The following LRP1B variants were observed in gnomAD, a reference collection of about 807,000 sequenced individuals.
The protein encoded by LRP1B is LDL receptor related protein 1B, also known as low-density lipoprotein receptor-related protein 1B.
LRP1B carries 217 observed loss-of-function variants against 556.6 expected under a neutral mutation model. That is an observed-to-expected ratio of 0.39 (90% confidence interval 0.35 to 0.44). The LOEUF (loss-of-function observed/expected upper bound fraction) is 0.44, where lower values mean the gene tolerates loss of function less well. Among genes scored for constraint, LRP1B ranks in the 20% least tolerant of loss-of-function variants. The pLI, the probability that LRP1B is intolerant of heterozygous loss-of-function variation, is 1.00. For synonymous variants in LRP1B, 2,047 were observed against 1,865.8 expected (o/e 1.10, Z -2.50); for missense variants, 5,053 against 5,620.8 (o/e 0.90, Z 3.23).
intron 18 of LRP1B, among the ~76,000 whole-genome samples, chr2:140,973,052 T>TA (rs1696481170): frequency 5.1e-5 from 7 of 138,578 alleles, no homozygotes; most frequent in Non-Finnish European, 7.7e-5. Flanking sequence ...ATATTTCATT[T>TA]TATATATATA....
chr2:140,702,223 T>TC lies in LRP1B; in HGVS notation c.6219dup (p.Asn2074GlufsTer27). On this transcript the variant is annotated frameshift_variant, in exon 39 of 91. Coordinates refer to ENST00000389484, the MANE Select transcript of LRP1B (RefSeq NM_018557.3). LOFTEE classifies it high-confidence loss of function. Reference sequence around the variant, plus strand: ...CTTCCTGACAGCACCATCTCGCGATTCCCTCCAGTCTCAAGGTCGATTCTC... The same window carrying TC: ...CTTCCTGACAGCACCATCTCGCGATTCCCCTCCAGTCTCAAGGTCGATTCTC... 6.2e-7 allele frequency: 1 copy of TC among 1,613,780 alleles called. No individual in the cohort carries two copies. Among genetic ancestry groups the TC allele is most frequent in the South Asian group, 1.1e-5 (1 of 91,086 alleles).
At chr2:140,479,263 T>C (rs956589305) in intron 59 of LRP1B, among the ~76,000 whole-genome samples, 4 of 152,150 alleles carry the variant, frequency 2.6e-5, no homozygotes, top group Non-Finnish European at 5.9e-5. Flanking sequence ...CTAAACATAA[T>C]GGTAATTTTA....
intron 1 of LRP1B, among the ~76,000 whole-genome samples, chr2:142,066,883 C>T (rs1036631384): frequency 2.0e-5 from 3 of 151,492 alleles, no homozygotes; most frequent in Admixed American, 6.6e-5. Context: ...TAAAACAACA[C>T]AAACTTCTGA....
At chr2:141,243,192 C>T (rs990855393) in intron 5 of LRP1B, among the ~76,000 whole-genome samples, 1 of 149,460 alleles carries the variant, frequency 6.7e-6, no homozygotes, top group Non-Finnish European at 1.5e-5. Context: ...AGAAAAATAG[C>T]TAGCTTTTGT....
chr2:142,130,413 G>C (rs1241859539), intron 1 of LRP1B, among the ~76,000 whole-genome samples: 1 of 152,168 alleles, frequency 6.6e-6, no homozygotes, highest in East Asian at 1.9e-4. Flanking sequence ...GGACAAAATG[G>C]GGACCGGGAA....
intron 41 of LRP1B, among the ~76,000 whole-genome samples, chr2:140,679,370 G>C (rs1035081144): frequency 1.3e-5 from 2 of 152,100 alleles, no homozygotes; most frequent in African/African-American, 4.8e-5. Flanking sequence ...CTGTTCATCT[G>C]TCTGGTCAAC....
chr2:141,191,786 T>A (rs1681522712), intron 6 of LRP1B, among the ~76,000 whole-genome samples: 1 of 151,890 alleles, frequency 6.6e-6, no homozygotes. Flanking sequence ...TGAGTCTTTT[T>A]GTATTATTAT....
At chr2:140,370,916 G>A (rs2105165848) in intron 70 of LRP1B, 74 bp from the exon 71 acceptor site, 2 of 1,475,972 alleles carry the variant, frequency 1.4e-6, no homozygotes, top group Non-Finnish European at 1.9e-6. Flanking sequence ...TAAACATGCA[G>A]CTTGTAATAC....
At chr2:141,235,072 C>T (rs1683601729) in intron 5 of LRP1B, among the ~76,000 whole-genome samples, 1 of 151,946 alleles carries the variant, frequency 6.6e-6, no homozygotes, top group Non-Finnish European at 1.5e-5. Flanking sequence ...AGAAACTGTT[C>T]TATCACATTT....
At chr2:141,416,050 A>G (rs1305472958) in intron 3 of LRP1B, among the ~76,000 whole-genome samples, 1 of 152,246 alleles carries the variant, frequency 6.6e-6, no homozygotes, top group Non-Finnish European at 1.5e-5. Context: ...ATGACCTAAC[A>G]TTAGACAAAC....
intron 1 of LRP1B, among the ~76,000 whole-genome samples, chr2:141,968,076 C>T (rs1701612212): frequency 1.3e-5 from 2 of 151,944 alleles, no homozygotes; most frequent in South Asian, 4.1e-4. Flanking sequence ...TGAGAAACTA[C>T]TTAGGCTTGC....
intron 2 of LRP1B, among the ~76,000 whole-genome samples, chr2:141,546,702 G>A (rs1685566092): frequency 6.6e-6 from 1 of 152,134 alleles, no homozygotes; most frequent in Admixed American, 6.6e-5. Flanking sequence ...TTGAAAATGA[G>A]CATTGAGGCC....
chr2:141,670,083 C>A (rs531993006), intron 2 of LRP1B, among the ~76,000 whole-genome samples: 3 of 152,070 alleles, frequency 2.0e-5, no homozygotes, highest in Admixed American at 2.0e-4. Flanking sequence ...CATTAATAAA[C>A]GAAGTGAAAA....
chr2:140,727,527 T>A (rs1687636419), intron 35 of LRP1B, among the ~76,000 whole-genome samples: 1 of 152,152 alleles, frequency 6.6e-6, no homozygotes, highest in Non-Finnish European at 1.5e-5. Context: ...ATGGAGGAAG[T>A]GAAGCTTTTC....
chr2:141,270,945 T>A (rs1284675216), intron 3 of LRP1B, among the ~76,000 whole-genome samples: 2 of 151,998 alleles, frequency 1.3e-5, no homozygotes, highest in Admixed American at 1.3e-4. Flanking sequence ...AGTTTTATAT[T>A]ATATGTGTGT....
intron 3 of LRP1B, among the ~76,000 whole-genome samples, chr2:141,399,360 C>T (rs1002355273): frequency 2.0e-5 from 3 of 152,134 alleles, no homozygotes; most frequent in African/African-American, 7.2e-5. Context: ...ACTGCACATG[C>T]ACTAGACTTG....
At chr2:142,042,500 A>C (rs1033324291) in intron 1 of LRP1B, among the ~76,000 whole-genome samples, 2 of 151,482 alleles carry the variant, frequency 1.3e-5, no homozygotes, top group Admixed American at 6.6e-5. Flanking sequence ...TGTATTTACA[A>C]CTGTATACCA....
chr2:141,352,718 A>G (rs1461124101), intron 3 of LRP1B, among the ~76,000 whole-genome samples: 2 of 151,932 alleles, frequency 1.3e-5, no homozygotes, highest in African/African-American at 4.8e-5. Flanking sequence ...CACTAGGACA[A>G]TATTAACAAA....
At chr2:141,087,482 T>C (rs1700075459) in intron 7 of LRP1B, among the ~76,000 whole-genome samples, 1 of 152,210 alleles carries the variant, frequency 6.6e-6, no homozygotes, top group African/African-American at 2.4e-5. Context: ...CATATTCACC[T>C]ACTTCAGGTT....
Sources: allele counts gnomAD v4.1 joint callset (sites outside exome capture counted in the v4.1 genomes callset), GRCh38; gene constraint gnomAD v4.1.1; transcripts MANE v1.5; gene names NCBI Gene and HGNC (gene_info 2026-07-23, HGNC 2026-07-21).